Variants in HNRNPF observed in about 807,000 individuals in gnomAD.
The protein encoded by HNRNPF is heterogeneous nuclear ribonucleoprotein F, also known as HnRNP F protein.
Under a neutral mutation model 26.0 loss-of-function variants are expected in HNRNPF, and 2 were observed. That is an observed-to-expected ratio of 0.08 (90% CI 0.03 to 0.24). The LOEUF (loss-of-function observed/expected upper bound fraction) is 0.24, where lower values mean the gene tolerates loss of function less well. Among genes scored for constraint, HNRNPF ranks in the 10% least tolerant of loss-of-function variants. The pLI, the probability that HNRNPF is intolerant of heterozygous loss-of-function variation, is 1.00. For missense variants in HNRNPF, 299 were observed against 539.2 expected, an observed-to-expected ratio of 0.55 and a Z score of 4.41; for synonymous variants, 234 against 211.5, an observed-to-expected ratio of 1.11 and a Z score of -0.92.
chr10:43,400,339 C>CT (rs1443128704), intron 1 of HNRNPF, among the ~76,000 whole-genome samples: 3 of 152,060 alleles, frequency 2.0e-5, no homozygotes, highest in African/African-American at 7.2e-5. Flanking sequence ...GTGCTGGATG[C>CT]TTTGTATTCA....
intron 1 of HNRNPF, among the ~76,000 whole-genome samples, chr10:43,402,855 G>A (rs1206971566): frequency 1.3e-5 from 2 of 151,464 alleles, no homozygotes; most frequent in Admixed American, 6.6e-5. Context: ...AAATCTAATA[G>A]GAGTCTTAAT....
At chr10:43,392,098 G>T (rs1189254167) in intron 3 of HNRNPF, among the ~76,000 whole-genome samples, 1 of 152,100 alleles carries the variant, frequency 6.6e-6, no homozygotes, top group African/African-American at 2.4e-5. Flanking sequence ...ACAAAAATTA[G>T]CCGAGCATAG....
At chr10:43,407,433 C>T (rs1838959212) in intron 1 of HNRNPF, among the ~76,000 whole-genome samples, 1 of 152,002 alleles carries the variant, frequency 6.6e-6, no homozygotes, top group Non-Finnish European at 1.5e-5. Context: ...CGGAGCCGAG[C>T]GGGGGTCCCA....
At chr10:43,403,179 G>A (rs1838805877) in intron 1 of HNRNPF, among the ~76,000 whole-genome samples, 1 of 151,980 alleles carries the variant, frequency 6.6e-6, no homozygotes, top group Non-Finnish European at 1.5e-5. Flanking sequence ...CACCACACCT[G>A]GCAAATTTTT....
At chr10:43,402,542 A>G (rs561260928) in intron 1 of HNRNPF, among the ~76,000 whole-genome samples, 1 of 152,314 alleles carries the variant, frequency 6.6e-6, no homozygotes. Flanking sequence ...ATTTGTTACT[A>G]GTCTGTATTA....
At chr10:43,406,720 A>G (rs1318681907) in intron 1 of HNRNPF, among the ~76,000 whole-genome samples, 2 of 151,960 alleles carry the variant, frequency 1.3e-5, no homozygotes, top group Non-Finnish European at 2.9e-5. Context: ...TTTTATAGAG[A>G]CGGGGTAGGT....
rs769749898 is a variant in HNRNPF, at chr10:43,387,498, C to A, written c.387G>T (p.Gln129His). The change falls in exon 4 of 4, where the codon CAG (glutamine) becomes CAT (histidine). Residue 129 changes from glutamine to histidine, a missense_variant. By Grantham distance (24) the Gln-to-His change is conservative. Around this residue, in one of 6 missense-constraint regions of HNRNPF, gnomAD observed 104 missense variants for 239.0 expected, o/e 0.44. Coordinates refer to ENST00000682386, the MANE Select transcript of HNRNPF (RefSeq NM_001098204.2). This position sits in a 1 kb window ranked among gnomAD's most constrained non-coding sequence, Gnocchi z 6.0. Reference sequence around the variant, plus strand: ...GCACAATTTCCAACCCTGAGAAGAACTGAACAATTTCTTCCTTTGTGCATC... The same window carrying A: ...GCACAATTTCCAACCCTGAGAAGAAATGAACAATTTCTTCCTTTGTGCATC... ...PFGCTKEEIV[Q>H]FFSGLEIVPN... 6 of 1,614,210 alleles carry A rather than the reference C, an allele frequency of 3.7e-6. No homozygotes were observed. In the Admixed American group the frequency reaches 6.7e-5, roughly 18 times the overall value.
intron 1 of HNRNPF, 68 bp from the exon 2 acceptor site, chr10:43,396,658 C>A (rs1205493840): frequency 6.6e-6 from 1 of 152,098 alleles, no homozygotes; most frequent in Admixed American, 6.6e-5. Flanking sequence ...GCGCGGTAAA[C>A]GTGTTTTGGC....
intron 1 of HNRNPF, among the ~76,000 whole-genome samples, chr10:43,397,661 T>C (rs1490439771): frequency 6.6e-6 from 1 of 152,212 alleles, no homozygotes; most frequent in Non-Finnish European, 1.5e-5. Context: ...GAAAAAAAAT[T>C]TTTTTAACGC....
intron 1 of HNRNPF, among the ~76,000 whole-genome samples, chr10:43,404,818 G>A (rs981762151): frequency 6.6e-6 from 1 of 152,020 alleles, no homozygotes; most frequent in African/African-American, 2.4e-5. Context: ...CCAAAACTCC[G>A]TCTCAAAAAC....
Position 43,387,160 on chromosome 10 carries a change from C to T in HNRNPF, c.725G>A (p.Gly242Asp). The T allele has an allele frequency of 6.2e-7, 1 of 1,614,140 alleles. No homozygotes were observed. The highest frequency in any genetic ancestry group is 8.5e-7 in the Non-Finnish European group (1 of 1,180,040). Residue 242 changes from glycine (G) to aspartate (D), a missense_variant, in exon 4 of 4, where the codon GGC becomes GAC. Transcript: ENST00000682386. This position sits in a 1 kb window ranked among gnomAD's most constrained non-coding sequence, Gnocchi z 6.0. ...ACTGAGGCCACTGTACTCCTCGTAG[C>T]CCCCGTAGCCTGTGCTGTAGGCACC... Reference protein sequence around the residue: ...RPGAYSTGYGGYEEYSGLSDG... With the variant: ...RPGAYSTGYGDYEEYSGLSDG...
At chr10:43,399,495 G>C (rs538052730) in intron 1 of HNRNPF, among the ~76,000 whole-genome samples, 1 of 152,354 alleles carries the variant, frequency 6.6e-6, no homozygotes, top group South Asian at 2.1e-4. Flanking sequence ...AGCTAGGTCT[G>C]AGATCAATGG....
At chr10:43,395,435 C>G (rs1216531489) in intron 2 of HNRNPF, among the ~76,000 whole-genome samples, 4 of 152,150 alleles carry the variant, frequency 2.6e-5, no homozygotes, top group African/African-American at 9.7e-5. Context: ...GGGCTGAGGG[C>G]TATGGAATTC....
At chr10:43,396,897 AGGG>A (rs1388376068) in intron 1 of HNRNPF, 1 of 1,358 alleles carries the variant, frequency 7.4e-4, no homozygotes, top group Non-Finnish European at 1.3e-3. Context: ...CGGGAGGGGG[AGGG>A]GAGGGGAGGG....
In HNRNPF at chr10:43,386,039, T is replaced by TTTTAAGACTTTTA. The variant is rs1838011518; in HGVS notation, c.*597_*598insTAAAAGTCTTAAA. On this transcript the variant is annotated 3_prime_UTR_variant, in exon 4 of 4. Coordinates refer to ENST00000682386, the MANE Select transcript of HNRNPF (RefSeq NM_001098204.2). ...GCCAGTCATTGTGAAAAAGTCTTTA[T>TTTTAAGACTTTTA]TTTAAGAAAAAAATTTAGTTAACAA... 6.6e-6 allele frequency: 1 copy of TTTTAAGACTTTTA among 152,570 alleles called. No individual in the cohort carries two copies. The highest frequency in any genetic ancestry group is 2.4e-5 in the African/African-American group (1 of 41,430). 9.5% of individuals were successfully genotyped at this position (152,570 alleles called of 1,614,324 possible). A position where few individuals can be genotyped will look rare whatever the true frequency, so the allele number is the denominator to read the frequency against.
At chr10:43,391,611 C>T (rs1838251639) in intron 3 of HNRNPF, among the ~76,000 whole-genome samples, 1 of 152,168 alleles carries the variant, frequency 6.6e-6, no homozygotes, top group African/African-American at 2.4e-5. Context: ...CTCTCACCTC[C>T]TCTCCAGCTG....
At chr10:43,407,544 GGGGAGCCGGGCAGCCGGCGCAGC>G (rs1055258617) in intron 1 of HNRNPF, among the ~76,000 whole-genome samples, 3 of 152,168 alleles carry the variant, frequency 2.0e-5, no homozygotes, top group African/African-American at 7.2e-5. Flanking sequence ...TCTGCGGTTG[GGGGAGCCGGGCAGCCGGCGCAGC>G]AGGAGCCGGG....
rs1487113645 is a variant in HNRNPF, at chr10:43,398,336, T to C, written c.-246-1746A>G. ...CCATGCCCGGCCTGTTTGGAGTTTG[T>C]TGTTGTTGTTTTTTTTTTTTTTTGA... is the stretch of plus-strand genomic sequence containing the variant. On this transcript the variant is annotated intron_variant, in intron 1 of 3. Coordinates refer to ENST00000682386, the MANE Select transcript of HNRNPF (RefSeq NM_001098204.2). Among the ~76,000 whole-genome samples the C allele has an allele frequency of 1.4e-5, 2 of 139,080 alleles. 1 individual carries two copies. Among genetic ancestry groups the C allele is most frequent in the East Asian group, 4.0e-4 (2 of 4,988 alleles). The allele number at this position is 139,080 out of a possible 152,430, so 91.2% of individuals were successfully genotyped here.
chr10:43,395,353 A>G (rs1230722054), intron 2 of HNRNPF, among the ~76,000 whole-genome samples: 1 of 152,192 alleles, frequency 6.6e-6, no homozygotes, highest in East Asian at 1.9e-4. Flanking sequence ...AATATGCTTC[A>G]CTAGAACATA....
Sources: allele counts gnomAD v4.1 joint callset (sites outside exome capture counted in the v4.1 genomes callset), GRCh38; gene constraint gnomAD v4.1.1; regional missense constraint gnomAD v4.1.1; non-coding constraint Gnocchi (gnomAD v3.1); transcripts MANE v1.5; gene names NCBI Gene and HGNC (gene_info 2026-07-23, HGNC 2026-07-21).